The following NTMT1 variants were observed in gnomAD, a reference collection of about 807,000 sequenced individuals.
NTMT1 encodes N-terminal RCC1 methyltransferase.
In NTMT1, 8 loss-of-function variants were observed where a neutral mutation model predicts 17.5. The ratio of observed to expected loss-of-function variants is 0.46; its 90% CI spans 0.27 to 0.82. The LOEUF (loss-of-function observed/expected upper bound fraction) is 0.82, where lower values mean the gene tolerates loss of function less well. Among genes scored for constraint, NTMT1 ranks in the 40% least tolerant of loss-of-function variants. The pLI, the probability that NTMT1 is intolerant of heterozygous loss-of-function variation, is 0.15. For missense variants in NTMT1, 221 were observed against 303.5 expected (o/e 0.73, Z 2.02); for synonymous variants, 128 against 126.8 (o/e 1.01, Z -0.06).
intron 1 of NTMT1, among the ~76,000 whole-genome samples, chr9:129,627,947 T>C (rs1861783): frequency 0.97 from 147,243 of 152,352 alleles, 71,191 homozygotes; most frequent in Middle Eastern, 0.99. Context: ...ATGCAGTACC[T>C]TGGGTCTGAA....
chr9:129,621,552 G>T (rs1830713752), upstream of NTMT1, among the ~76,000 whole-genome samples: 1 of 152,142 alleles, frequency 6.6e-6, no homozygotes, highest in African/African-American at 2.4e-5. Context: ...AAATGGGGTA[G>T]AATTTTTTTG....
upstream of NTMT1, among the ~76,000 whole-genome samples, chr9:129,623,731 A>T (rs998335294): frequency 3.4e-5 from 5 of 146,776 alleles, no homozygotes; most frequent in African/African-American, 1.3e-4. Flanking sequence ...TGAGTGGGGG[A>T]GGGAGATATT....
At chr9:129,619,568 G>A in intron 1 of NTMT1, 1 of 1,614,012 alleles carries the variant, frequency 6.2e-7, no homozygotes, top group Non-Finnish European at 8.5e-7. Context: ...ACCCTTCAGG[G>A]GCCCCAGAAT....
chr9:129,634,887 A>G (rs9691), intron 3 of NTMT1: 178,139 of 338,828 alleles, frequency 0.53, 48,935 homozygotes, highest in Non-Finnish European at 0.6. Flanking sequence ...CCAAACTCTT[A>G]GCCCAGGTTC....
At chr9:129,619,569 G>T (rs76476617) in intron 1 of NTMT1, 1 of 1,614,074 alleles carries the variant, frequency 6.2e-7, no homozygotes. Context: ...CCCTTCAGGG[G>T]CCCCAGAATA....
intron 1 of NTMT1, among the ~76,000 whole-genome samples, chr9:129,610,241 G>A (rs1168576452): frequency 8.6e-6 from 1 of 116,046 alleles, no homozygotes; most frequent in Admixed American, 8.5e-5. Context: ...AGGGAGAGGG[G>A]AAAGGGGGGA....
rs1830263153 is a variant in NTMT1, at chr9:129,614,677, G to T, written c.-55+5499G>T. Among the ~76,000 whole-genome samples the T allele has an allele frequency of 6.6e-6, 1 of 152,174 alleles. No individual in the cohort carries two copies. Among genetic ancestry groups the T allele is most frequent in the African/African-American group, 2.4e-5 (1 of 41,436 alleles). ...CCAGCACTTTGGGAGGCAGAGGCAGGTGGATCCCTGAGGTCAGGAGTTCGA... is the reference window on the plus strand; with the variant it reads ...CCAGCACTTTGGGAGGCAGAGGCAGTTGGATCCCTGAGGTCAGGAGTTCGA... On this transcript the variant is annotated intron_variant, in intron 1 of 3. Coordinates refer to the NTMT1 transcript ENST00000372486. This position sits in a 1 kb window ranked among gnomAD's most constrained non-coding sequence, Gnocchi z 4.4.
At position 129,635,867 on chromosome 9, in the gene NTMT1, G is replaced by C. The variant is rs1831523241; in HGVS notation, c.*403G>C. On this transcript the variant is annotated 3_prime_UTR_variant, in exon 4 of 4. Transcript: ENST00000372483. ...CCAACTTGGTTGCTGGGGACTTGAA[G>C]ACTTCAGTGTGATCTTTACCTAGGG... The C allele has an allele frequency of 4.5e-6, 1 of 220,834 alleles. No homozygotes were observed. Among genetic ancestry groups the C allele is most frequent in the South Asian group, 6.4e-5 (1 of 15,526 alleles). The allele number at this position is 220,834 out of a possible 1,614,324, so 13.7% of individuals were successfully genotyped here.
chr9:129,612,498 G>C, intron 1 of NTMT1: 2 of 1,505,528 alleles, frequency 1.3e-6, no homozygotes, highest in Non-Finnish European at 1.8e-6. Context: ...CAGGACCTCG[G>C]GGCAGGGGAC....
chr9:129,634,170 G>A lies in NTMT1; in HGVS notation c.279G>A (p.Thr93=), dbSNP rs368483094. 60 of 1,614,084 alleles carry A rather than the reference G, an allele frequency of 3.7e-5. No individual in the cohort carries two copies. The highest frequency in any genetic ancestry group is 6.7e-5 in the African/African-American group (5 of 74,938). Residue 93 remains threonine (T), a synonymous_variant, in exon 3 of 4, where the codon ACG becomes ACA. Coordinates refer to ENST00000372483, the MANE Select transcript of NTMT1 (RefSeq NM_014064.4). ...LFREVDMVDI[T]EDFLVQAKTY... ...GAGAGGTGGATATGGTCGACATAAC[G>A]GAGGACTTCCTGGTTCAAGCCAAGA...
At position 129,635,605 on chromosome 9, in the gene NTMT1, C is replaced by A; in HGVS notation, c.*141C>A. 9.3e-7 allele frequency: 1 copy of A among 1,077,720 alleles called. No individual in the cohort carries two copies. Among genetic ancestry groups the A allele is most frequent in the Non-Finnish European group, 1.3e-6 (1 of 749,970 alleles). 66.8% of individuals were successfully genotyped at this position (1,077,720 alleles called of 1,614,324 possible). On this transcript the variant is annotated 3_prime_UTR_variant, in exon 4 of 4. Transcript: ENST00000372483. ...AGCTGTCTGCCGTCCACTCATTATG[C>A]GGGCTCTTCTTCAAAAGGCAAGGTG...
At chr9:129,612,449 G>A (rs1184014571) in intron 1 of NTMT1, 2 of 1,611,330 alleles carry the variant, frequency 1.2e-6, no homozygotes, top group Non-Finnish European at 1.7e-6. Flanking sequence ...TGGGCAGGAG[G>A]GACTCCTAGA....
intron 1 of NTMT1, 43 bp from the exon 2 acceptor site, chr9:129,632,607 C>T: frequency 6.8e-7 from 1 of 1,474,218 alleles, no homozygotes; most frequent in Non-Finnish European, 9.3e-7. Context: ...GGCCTTTCTG[C>T]CAGGTCCCTG....
chr9:129,634,925 T>C, intron 3 of NTMT1: 1 of 419,710 alleles, frequency 2.4e-6, no homozygotes, highest in Non-Finnish European at 4.3e-6. Context: ...CTGGCAGGGG[T>C]GGGGCATCAT....
intron 1 of NTMT1, chr9:129,619,504 C>T (rs1323089094): frequency 1.3e-6 from 2 of 1,583,698 alleles, no homozygotes; most frequent in South Asian, 1.1e-5. Flanking sequence ...CTACCCTTAT[C>T]CCGCCCATCA....
At position 129,620,607 on chromosome 9, in the gene NTMT1, AGC is replaced by A; in HGVS notation, c.-55+11435_-55+11436del. 7.7e-7 allele frequency: 1 copy of A among 1,305,326 alleles called. No individual in the cohort carries two copies. The highest frequency in any genetic ancestry group is 9.7e-7 in the Non-Finnish European group (1 of 1,025,962). The allele number at this position is 1,305,326 out of a possible 1,614,324, so 80.9% of individuals were successfully genotyped here. On this transcript the variant is annotated intron_variant, in intron 1 of 3. Coordinates refer to the NTMT1 transcript ENST00000372486. This position sits in a 1 kb window ranked among gnomAD's most constrained non-coding sequence, Gnocchi z 5.8. ...CCCGCACTCAGCTCACCGCACCCTCAGCGCGCGTGGGTGGGGGGCGCCGGCTG... is the reference window on the plus strand; with the variant it reads ...CCCGCACTCAGCTCACCGCACCCTCAGCGCGTGGGTGGGGGGCGCCGGCTG...
chr9:129,611,943 A>T (rs1417200140), intron 1 of NTMT1, among the ~76,000 whole-genome samples: 1 of 151,672 alleles, frequency 6.6e-6, no homozygotes, highest in Non-Finnish European at 1.5e-5. Context: ...TTTAAGAGAC[A>T]GGGTCTATGT....
chr9:129,631,517 G>A (rs1015223534), intron 1 of NTMT1, among the ~76,000 whole-genome samples: 4 of 152,154 alleles, frequency 2.6e-5, no homozygotes, highest in Admixed American at 2.6e-4. Flanking sequence ...TCCTTCTACC[G>A]TGGCAACCGT....
Position 129,633,795 on chromosome 9 carries a change from T to C in NTMT1, c.163-259T>C, listed in dbSNP as rs1461225072. The C allele has an allele frequency of 7.2e-6, 3 of 418,402 alleles. No homozygotes were observed. The East Asian group carries it at 1.2e-4, about 17-fold the overall frequency. 25.9% of individuals were successfully genotyped at this position (418,402 alleles called of 1,614,324 possible). ...CTACAGTGAGCCATGATCCCACCAC[T>C]GCATTCCAACCTGAACAGAATGCAG... On this transcript the variant is annotated intron_variant, in intron 2 of 3. Coordinates refer to ENST00000372483, the MANE Select transcript of NTMT1 (RefSeq NM_014064.4).
Sources: allele counts gnomAD v4.1 joint callset (sites outside exome capture counted in the v4.1 genomes callset), GRCh38; gene constraint gnomAD v4.1.1; non-coding constraint Gnocchi (gnomAD v3.1); transcripts MANE v1.5; gene names NCBI Gene and HGNC (gene_info 2026-07-23, HGNC 2026-07-21).